The following HS2ST1 variants were observed in gnomAD, a reference collection of about 807,000 sequenced individuals.
The protein encoded by HS2ST1 is 2-O-sulfotransferase.
In HS2ST1, 18 loss-of-function variants were observed where a neutral mutation model predicts 42.9. The observed-to-expected ratio is 0.42, with a 90% CI of 0.29 to 0.62. The LOEUF (loss-of-function observed/expected upper bound fraction) is 0.62, where lower values mean the gene tolerates loss of function less well. Among genes scored for constraint, HS2ST1 ranks in the 20% least tolerant of loss-of-function variants. The pLI, the probability that HS2ST1 is intolerant of heterozygous loss-of-function variation, is 0.21. For missense variants in HS2ST1, 334 were observed against 433.8 expected (o/e 0.77, Z 2.04); for synonymous variants, 146 against 152.9 (o/e 0.95, Z 0.33).
intron 1 of HS2ST1, among the ~76,000 whole-genome samples, chr1:87,013,286 G>C (rs992562827): frequency 2.0e-5 from 3 of 152,228 alleles, no homozygotes; most frequent in African/African-American, 7.2e-5. Flanking sequence ...CTGAAATCTA[G>C]GTGGAGGTTC....
intron 1 of HS2ST1, among the ~76,000 whole-genome samples, chr1:86,955,301 G>A (rs112652531): frequency 2.0e-5 from 3 of 152,296 alleles, no homozygotes; most frequent in Non-Finnish European, 2.9e-5. Flanking sequence ...TGGGCCGCAC[G>A]TGAGGTGCAG....
intron 3 of HS2ST1, among the ~76,000 whole-genome samples, chr1:87,088,987 G>A (rs1651877216): frequency 6.6e-6 from 1 of 151,950 alleles, no homozygotes. Context: ...TGCCTAAGTA[G>A]AGAAGTTAAA....
rs968968595 is a variant in HS2ST1, at chr1:86,941,046, T to C, written c.124+25886T>C. ...CTACTCATGAGCCATCTAAGTGACA[T>C]GTAGTCCAAACATCTGTAATATGCT... On this transcript the variant is annotated intron_variant, in intron 1 of 6. Transcript: ENST00000370550. Among the ~76,000 whole-genome samples the C allele has an allele frequency of 3.9e-5, 6 of 152,156 alleles. No individual in the cohort carries two copies. The South Asian group carries it at 6.2e-4, about 16-fold the overall frequency.
chr1:86,968,676 A>AT (rs1156311797), intron 1 of HS2ST1, among the ~76,000 whole-genome samples: 1 of 152,068 alleles, frequency 6.6e-6, no homozygotes, highest in East Asian at 1.9e-4. Context: ...TAAGTGGTGG[A>AT]TTACAGGCAT....
At position 87,054,689 on chromosome 1, in the gene HS2ST1, A is replaced by G. The variant is rs1650917911; in HGVS notation, c.125-18245A>G. Among the ~76,000 whole-genome samples, 3 of 152,152 alleles carry G rather than the reference A, an allele frequency of 2.0e-5. No individual in the cohort carries two copies. In the South Asian group the frequency reaches 6.2e-4, roughly 31 times the overall value. On this transcript the variant is annotated intron_variant, in intron 1 of 6. Coordinates refer to ENST00000370550, the MANE Select transcript of HS2ST1 (RefSeq NM_012262.4). ...AACCCCTGCATCTAGGTAGGGCCATATGACTAGTGTTTGCCAAGATAATTA... is the reference window on the plus strand; with the variant it reads ...AACCCCTGCATCTAGGTAGGGCCATGTGACTAGTGTTTGCCAAGATAATTA...
chr1:86,969,683 A>G (rs1648173056), intron 1 of HS2ST1, among the ~76,000 whole-genome samples: 1 of 151,826 alleles, frequency 6.6e-6, no homozygotes. Flanking sequence ...GACAAGACTG[A>G]GTTATATAAA....
intron 1 of HS2ST1, among the ~76,000 whole-genome samples, chr1:86,917,638 A>G (rs1660191659): frequency 6.6e-6 from 1 of 152,358 alleles, no homozygotes; most frequent in Admixed American, 6.5e-5. Flanking sequence ...CCAGGATTGC[A>G]ACCCAGGTAT....
At chr1:87,079,389 C>T (rs898139917) in intron 2 of HS2ST1, among the ~76,000 whole-genome samples, 8 of 152,186 alleles carry the variant, frequency 5.3e-5, no homozygotes, top group African/African-American at 1.9e-4. Flanking sequence ...CCACCCGCCT[C>T]GGCTTTCCAA....
At chr1:87,066,200 T>C (rs1011073193) in intron 1 of HS2ST1, among the ~76,000 whole-genome samples, 3 of 152,244 alleles carry the variant, frequency 2.0e-5, no homozygotes, top group Admixed American at 6.5e-5. Flanking sequence ...ATATTACTGT[T>C]ACCTTTTAAA....
At chr1:87,077,124 C>T (rs990360585) in intron 2 of HS2ST1, among the ~76,000 whole-genome samples, 9 of 152,218 alleles carry the variant, frequency 5.9e-5, no homozygotes, top group East Asian at 1.9e-4. Context: ...AAATTAATGC[C>T]GCTGGTCTTT....
At position 87,077,478 on chromosome 1, in the gene HS2ST1, A is replaced by G. The variant is rs529707440; in HGVS notation, c.363+4306A>G. ...TGTTATCCATTTAAGGTTTAATGAC[A>G]TCCTCTTAGAAAAACCATGCCTGGC... is the stretch of plus-strand genomic sequence containing the variant. On this transcript the variant is annotated intron_variant, in intron 2 of 6. Coordinates refer to ENST00000370550, the MANE Select transcript of HS2ST1 (RefSeq NM_012262.4). Among the ~76,000 whole-genome samples, 9 of 152,298 alleles carry G rather than the reference A, an allele frequency of 5.9e-5. No homozygotes were observed. The East Asian group carries it at 1.7e-3, about 29-fold the overall frequency.
chr1:86,972,755 T>G (rs1648274292), intron 1 of HS2ST1, among the ~76,000 whole-genome samples: 1 of 152,216 alleles, frequency 6.6e-6, no homozygotes, highest in Non-Finnish European at 1.5e-5. Flanking sequence ...TTATTCAAAC[T>G]AGGAGGTTGA....
intron 1 of HS2ST1, among the ~76,000 whole-genome samples, chr1:86,982,565 A>C (rs1352458978): frequency 1.3e-5 from 2 of 151,882 alleles, no homozygotes; most frequent in African/African-American, 4.8e-5. Flanking sequence ...CCCAGGCTGG[A>C]GTGCAGTGGC....
At chr1:87,010,917 C>T (rs1003538360) in intron 1 of HS2ST1, among the ~76,000 whole-genome samples, 2 of 151,832 alleles carry the variant, frequency 1.3e-5, no homozygotes, top group African/African-American at 2.4e-5. Flanking sequence ...TCCTGAGTAG[C>T]TGGGACTACA....
At chr1:86,988,114 G>T (rs1648844339) in intron 1 of HS2ST1, among the ~76,000 whole-genome samples, 1 of 152,180 alleles carries the variant, frequency 6.6e-6, no homozygotes, top group African/African-American at 2.4e-5. Context: ...GTTACATCAA[G>T]AAGATGGAAA....
At chr1:87,030,498 A>G (rs1650203988) in intron 1 of HS2ST1, among the ~76,000 whole-genome samples, 2 of 152,098 alleles carry the variant, frequency 1.3e-5, no homozygotes, top group Non-Finnish European at 1.5e-5. Context: ...ACCCTGTCTC[A>G]TTCATTCATA....
In HS2ST1 at chr1:87,108,878, C is replaced by T. The variant is rs932388714; in HGVS notation, c.*4182C>T. 5.2e-5 allele frequency: 8 copies of T among 152,450 alleles called. No individual in the cohort carries two copies. The highest frequency in any genetic ancestry group is 1.4e-4 in the African/African-American group (6 of 41,432). 9.4% of individuals were successfully genotyped at this position (152,450 alleles called of 1,614,324 possible). A position where few individuals can be genotyped will look rare whatever the true frequency, so the allele number is the denominator to read the frequency against. On this transcript the variant is annotated 3_prime_UTR_variant, in exon 7 of 7. Coordinates refer to ENST00000370550, the MANE Select transcript of HS2ST1 (RefSeq NM_012262.4). ...CTGAAGCAGTGTTGAATGTAATTTT[C>T]GGAAACATGGATTGTGTATTTTGAC...
intron 1 of HS2ST1, among the ~76,000 whole-genome samples, chr1:86,928,794 GTGA>G (rs2102161975): frequency 6.6e-6 from 1 of 152,040 alleles, no homozygotes; most frequent in South Asian, 2.1e-4. Context: ...ACAAAGTTGT[GTGA>G]TGATATTTTA....
chr1:87,024,376 CTG>C (rs995082839), intron 1 of HS2ST1, among the ~76,000 whole-genome samples: 3 of 152,042 alleles, frequency 2.0e-5, no homozygotes, highest in Non-Finnish European at 4.4e-5. Flanking sequence ...TGGTGCACGA[CTG>C]TAATCCCAGC....
Sources: gnomAD v4.1 joint callset for allele counts (sites outside exome capture counted in the v4.1 genomes callset) on GRCh38, gnomAD v4.1.1 for gene constraint, MANE v1.5 for transcripts, NCBI Gene and HGNC (gene_info 2026-07-23, HGNC 2026-07-21) for gene names.